Variants in TRAF3IP3 observed in about 807,000 individuals in gnomAD.
TRAF3IP3 encodes TRAF3-interacting JNK-activating modulator.
Under a neutral mutation model 86.5 loss-of-function variants are expected in TRAF3IP3, and 64 were observed. The observed-to-expected ratio is 0.74, with a 90% CI of 0.60 to 0.91. TRAF3IP3 has a LOEUF of 0.91. TRAF3IP3 is among the 40% of genes least tolerant of loss of function. TRAF3IP3 has a pLI of 0.00. For synonymous variants in TRAF3IP3, 220 were observed against 243.9 expected, an observed-to-expected ratio of 0.90 and a Z score of 0.91; for missense variants, 579 against 642.9, an observed-to-expected ratio of 0.90 and a Z score of 1.07.
intron 8 of TRAF3IP3, among the ~76,000 whole-genome samples, chr1:209,771,941 G>A (rs1363140709): frequency 6.9e-6 from 1 of 144,362 alleles, no homozygotes; most frequent in Non-Finnish European, 1.5e-5. Context: ...ATATGCAGGT[G>A]TGCGTGTGCA....
rs754184689 is a variant in TRAF3IP3, at chr1:209,762,526, C to G, written c.357C>G (p.Thr119=). Residue 119 remains threonine (T), a synonymous_variant, in exon 4 of 17, where the codon ACC becomes ACG. Coordinates refer to ENST00000367025, the MANE Select transcript of TRAF3IP3 (RefSeq NM_025228.4). ...ISSPREQVTG[T]SSEVFPAQHP... ...CACTTGCCTTCCAGGTGACAGGCAC[C>G]AGCTCTGAAGTCTTTCCAGCCCAGC... is the stretch of plus-strand genomic sequence containing the variant. The G allele has an allele frequency of 6.9e-7, 1 of 1,450,382 alleles. No individual in the cohort carries two copies. Among genetic ancestry groups the G allele is most frequent in the South Asian group, 1.6e-5 (1 of 60,640 alleles). 89.8% of individuals were successfully genotyped at this position (1,450,382 alleles called of 1,614,324 possible). A position where few individuals can be genotyped will look rare whatever the true frequency, so the allele number is the denominator to read the frequency against.
At chr1:209,772,438 C>T (rs1413838354) in intron 8 of TRAF3IP3, among the ~76,000 whole-genome samples, 1 of 152,110 alleles carries the variant, frequency 6.6e-6, no homozygotes, top group African/African-American at 2.4e-5. Context: ...CTGGGGCACT[C>T]GGGGCTTAGG....
At chr1:209,779,815 C>T (rs2077738830) in intron 14 of TRAF3IP3, 1 of 358,500 alleles carries the variant, frequency 2.8e-6, no homozygotes, top group Non-Finnish European at 5.1e-6. Flanking sequence ...GCAATAGCTC[C>T]TCACCTGTCC....
At chr1:209,772,494 G>A (rs149172271) in intron 8 of TRAF3IP3, among the ~76,000 whole-genome samples, 26 of 152,286 alleles carry the variant, frequency 1.7e-4, no homozygotes, top group African/African-American at 6.0e-4. Flanking sequence ...GCTCATAACC[G>A]AGGGCAAGGG....
chr1:209,760,413 T>G, intron 3 of TRAF3IP3, 29 bp downstream of exon 3: 1 of 1,527,566 alleles, frequency 6.5e-7, no homozygotes, highest in South Asian at 1.2e-5. Flanking sequence ...CATACTGCTG[T>G]GTGCTCTGGG....
At chr1:209,775,835 C>A in intron 11 of TRAF3IP3, 99 bp downstream of exon 11, 1 of 1,181,980 alleles carries the variant, frequency 8.5e-7, no homozygotes, top group Non-Finnish European at 1.2e-6. Flanking sequence ...AGGCAGCTGA[C>A]AGCATCTGGC....
At chr1:209,777,315 G>C in intron 11 of TRAF3IP3, 37 bp from the exon 12 acceptor site, 1 of 1,580,008 alleles carries the variant, frequency 6.3e-7, no homozygotes. Context: ...CCCCAACACT[G>C]ACCTCCTTCT....
chr1:209,771,905 G>GT (rs58558913), intron 8 of TRAF3IP3, among the ~76,000 whole-genome samples: 5,215 of 106,114 alleles, frequency 0.049, 929 homozygotes, highest in Non-Finnish European at 0.077. Flanking sequence ...GTGAAGGTGT[G>GT]TGTGTATATG....
intron 8 of TRAF3IP3, among the ~76,000 whole-genome samples, chr1:209,765,495 G>A (rs1160683991): frequency 1.3e-5 from 2 of 151,844 alleles, no homozygotes; most frequent in South Asian, 2.1e-4. Flanking sequence ...GCAAAACCTC[G>A]TCTCTACTAA....
chr1:209,765,229 G>A (rs372661566), intron 8 of TRAF3IP3, among the ~76,000 whole-genome samples: 1,415 of 42,842 alleles, frequency 0.033, 139 homozygotes, highest in African/African-American at 0.095. Flanking sequence ...GAGAGAGAGA[G>A]GAAGGAAGGA....
chr1:209,771,422 GGTGGAGGTGTGTGCAT>G (rs1262721762), intron 8 of TRAF3IP3, among the ~76,000 whole-genome samples: 1 of 135,112 alleles, frequency 7.4e-6, no homozygotes, highest in African/African-American at 3.0e-5. Flanking sequence ...TGCATGTGCA[GGTGGAGGTGTGTGCAT>G]GTGGAGGTGT....
rs1218489418 is a variant in TRAF3IP3, at chr1:209,780,823, A to G, written c.1449+217A>G. The G allele has an allele frequency of 1.2e-4, 40 of 337,200 alleles. No individual in the cohort carries two copies. In the East Asian group the frequency reaches 2.0e-3, roughly 17 times the overall value. 20.9% of individuals were successfully genotyped at this position (337,200 alleles called of 1,614,324 possible). On this transcript the variant is annotated intron_variant, in intron 15 of 16. Transcript: ENST00000367025. ...CTATTCAAGGTTTTATTAAATGATT[A>G]CCTTTTAGAAAGTCGACCAAAACTC...
chr1:209,763,369 A>T lies in TRAF3IP3; in HGVS notation c.583A>T (p.Ile195Phe). The change falls in exon 7 of 17, where the codon ATC (isoleucine) becomes TTC (phenylalanine). Residue 195 changes from isoleucine to phenylalanine, a missense_variant. By Grantham distance (21) the Ile-to-Phe change is conservative. Coordinates refer to ENST00000367025, the MANE Select transcript of TRAF3IP3 (RefSeq NM_025228.4). Reference sequence around the variant, plus strand: ...CCTTGTTCTTTCTCTCCAGGAAATCATCCAGCTTTCTGATTACCTCAAAGT... The same window carrying T: ...CCTTGTTCTTTCTCTCCAGGAAATCTTCCAGCTTTCTGATTACCTCAAAGT... ...YGVAVLDKEI[I>F]QLSDYLKEAL... is the part of the protein sequence containing the mutation. 1 of 1,613,550 alleles carries T rather than the reference A, an allele frequency of 6.2e-7. No homozygotes were observed. The highest frequency in any genetic ancestry group is 1.1e-5 in the South Asian group (1 of 91,050).
intron 8 of TRAF3IP3, among the ~76,000 whole-genome samples, chr1:209,768,854 CA>C (rs886837268): frequency 2.0e-5 from 3 of 152,196 alleles, no homozygotes; most frequent in African/African-American, 7.2e-5. Context: ...GCCCGATTTG[CA>C]ACAACTTGGC....
chr1:209,781,725 TA>T (rs1182405871), intron 16 of TRAF3IP3: 6 of 485,238 alleles, frequency 1.2e-5, no homozygotes, highest in Non-Finnish European at 2.2e-5. Context: ...TAGCCGATGA[TA>T]AGCATGGTGG....
chr1:209,772,764 G>C (rs771141977), intron 8 of TRAF3IP3, among the ~76,000 whole-genome samples, 184 bp from the exon 9 acceptor site: 1 of 152,204 alleles, frequency 6.6e-6, no homozygotes, highest in Non-Finnish European at 1.5e-5. Context: ...TCCTAGTCCA[G>C]AGAAACAGGA....
chr1:209,762,692 G>A lies in TRAF3IP3; in HGVS notation c.493+30G>A, dbSNP rs765457919. 10 of 1,277,506 alleles carry A rather than the reference G, an allele frequency of 7.8e-6. 1 individual carries two copies. The Admixed American group carries it at 2.7e-4, about 34-fold the overall frequency. The allele number at this position is 1,277,506 out of a possible 1,614,324, so 79.1% of individuals were successfully genotyped here. On this transcript the variant is annotated intron_variant, in intron 4 of 16. Transcript: ENST00000367025. ...GAGCAGAGCCTCCCTCACTCCACAG[G>A]GCCTGCAGAGAATCCTGAGACAACT... is the stretch of plus-strand genomic sequence containing the variant.
intron 9 of TRAF3IP3, among the ~76,000 whole-genome samples, chr1:209,773,848 A>G (rs2077596918): frequency 6.6e-6 from 1 of 152,222 alleles, no homozygotes; most frequent in South Asian, 2.1e-4. Flanking sequence ...CAGTCTATTC[A>G]TTTTCAATAG....
At chr1:209,761,989 G>A (rs2077254374) in intron 3 of TRAF3IP3, among the ~76,000 whole-genome samples, 2 of 152,272 alleles carry the variant, frequency 1.3e-5, no homozygotes, top group South Asian at 4.1e-4. Flanking sequence ...AGGATATCAG[G>A]AGCAGGAGAA....
Sources: gnomAD v4.1 joint callset for allele counts (sites outside exome capture counted in the v4.1 genomes callset) on GRCh38, gnomAD v4.1.1 for gene constraint, MANE v1.5 for transcripts, NCBI Gene and HGNC (gene_info 2026-07-23, HGNC 2026-07-21) for gene names.